The following SEMA4F variants were observed in gnomAD, a reference collection of about 807,000 sequenced individuals.
SEMA4F encodes the protein semaphorin-4F.
Under a neutral mutation model 78.4 loss-of-function variants are expected in SEMA4F, and 51 were observed. The ratio of observed to expected loss-of-function variants is 0.65; its 90% CI spans 0.52 to 0.82. The LOEUF is 0.82. Among genes scored for constraint, SEMA4F ranks in the 40% least tolerant of loss-of-function variants. The probability of loss-of-function intolerance (pLI) is 0.00; values close to 1 mark genes in which losing one functional copy is unlikely to be tolerated. For missense variants in SEMA4F, 938 were observed against 1,014.4 expected (o/e 0.92, Z 1.02); for synonymous variants, 418 against 408.7 (o/e 1.02, Z -0.27).
chr2:74,706,815 A>G, the SEMA4F span, among the ~76,000 whole-genome samples: 1 of 145,806 alleles, frequency 6.9e-6, no homozygotes, highest in Non-Finnish European at 1.5e-5. Flanking sequence ...ATTAGTTTTT[A>G]TACTCCATTG....
At chr2:74,689,824 A>G in the SEMA4F span, among the ~76,000 whole-genome samples, 225 of 152,352 alleles carry the variant, frequency 1.5e-3, no homozygotes, top group African/African-American at 5.1e-3. Flanking sequence ...CTCAGTGCCA[A>G]TGATGAAGAA....
intron 4 of SEMA4F, 131 bp from the exon 5 acceptor site, chr2:74,662,601 A>T: frequency 2.7e-6 from 2 of 750,822 alleles, no homozygotes; most frequent in Non-Finnish European, 4.8e-6. Flanking sequence ...TATGGGGATG[A>T]TAGTTGGGGG....
chr2:74,695,241 GGA>G, the SEMA4F span, among the ~76,000 whole-genome samples: 2 of 152,168 alleles, frequency 1.3e-5, no homozygotes, highest in Admixed American at 1.3e-4. Flanking sequence ...CGTGTAGCTG[GGA>G]GCAGACTCAA....
intron 1 of SEMA4F, among the ~76,000 whole-genome samples, chr2:74,655,860 G>T (rs1237589023): frequency 6.6e-6 from 1 of 152,132 alleles, no homozygotes; most frequent in Non-Finnish European, 1.5e-5. Context: ...GCAGTCTTGA[G>T]GGTACTGAGC....
chr2:74,660,751 A>C (rs749959323), intron 4 of SEMA4F, among the ~76,000 whole-genome samples: 8 of 152,350 alleles, frequency 5.3e-5, no homozygotes, highest in Non-Finnish European at 8.8e-5. Context: ...TGATATGATG[A>C]TGCTGCTGGG....
the SEMA4F span, among the ~76,000 whole-genome samples, chr2:74,702,770 A>G: frequency 6.6e-6 from 1 of 152,240 alleles, no homozygotes; most frequent in South Asian, 2.1e-4. Context: ...GATGCATAGT[A>G]AAAGCTCAGT....
Position 74,673,831 on chromosome 2 carries a change from G to T in SEMA4F, c.822+3G>T. 6.2e-7 allele frequency: 1 copy of T among 1,611,898 alleles called. No individual in the cohort carries two copies. Among genetic ancestry groups the T allele is most frequent in the Non-Finnish European group, 8.5e-7 (1 of 1,178,708 alleles). On this transcript the variant is annotated splice_donor_region_variant and intron_variant, in intron 7 of 13. Coordinates refer to ENST00000357877, the MANE Select transcript of SEMA4F (RefSeq NM_004263.5). ...CACGGGTGGCCCGTGTGTGTGCGGT[G>T]AGACCCCATCCCAGCTGTCTGTCTG...
In SEMA4F at chr2:74,656,688, G is replaced by A. The variant is rs750733456; in HGVS notation, c.297+3G>A. 1.2e-6 allele frequency: 2 copies of A among 1,613,968 alleles called. No individual in the cohort carries two copies. On this transcript the variant is annotated splice_donor_region_variant and intron_variant, in intron 2 of 13. Transcript: ENST00000357877. ...TCTCAGGGGAGAGACCCCGCAGGGT[G>A]AGAGACAAGAGAGGGAAGGACCCCT...
At position 74,654,517 on chromosome 2, in the gene SEMA4F, C is replaced by A. The variant is rs759086627; in HGVS notation, c.141C>A (p.Ile47=). The A allele has an allele frequency of 1.9e-6, 3 of 1,563,524 alleles. No homozygotes were observed. The highest frequency in any genetic ancestry group is 1.7e-4 in the Middle Eastern group (1 of 5,738). ...CGGTGCCCAGAACCTCGCTTCCAAT[C>A]TCTGGTAAGGCGCGGACGCCCACGC... ...PRSVPRTSLP[I]SEADSCLTRF... Residue 47 remains isoleucine (I), a synonymous_variant, in exon 1 of 14, where the codon ATC becomes ATA. Transcript: ENST00000357877.
At chr2:74,673,042 C>G (rs576618489) in intron 5 of SEMA4F, among the ~76,000 whole-genome samples, 1 of 152,226 alleles carries the variant, frequency 6.6e-6, no homozygotes, top group Non-Finnish European at 1.5e-5. Context: ...ACATTCATTC[C>G]CTGAGACATT....
intron 11 of SEMA4F, 45 bp from the exon 12 acceptor site, chr2:74,675,704 T>C (rs745841544): frequency 6.2e-6 from 10 of 1,613,490 alleles, no homozygotes; most frequent in Non-Finnish European, 8.5e-6. Context: ...GACCCTGAGG[T>C]CTGGGAGATC....
At chr2:74,706,652 G>GACA in the SEMA4F span, among the ~76,000 whole-genome samples, 1 of 152,218 alleles carries the variant, frequency 6.6e-6, no homozygotes, top group Non-Finnish European at 1.5e-5. Flanking sequence ...GACACAGGCA[G>GACA]TACTGGACAA....
chr2:74,697,555 C>T, the SEMA4F span, among the ~76,000 whole-genome samples: 1 of 152,020 alleles, frequency 6.6e-6, no homozygotes, highest in Non-Finnish European at 1.5e-5. Context: ...GAGATGAGCC[C>T]CAGTTGTAAG....
At chr2:74,654,579 A>C in intron 1 of SEMA4F, 58 bp downstream of exon 1, 3 of 1,406,680 alleles carry the variant, frequency 2.1e-6, no homozygotes, top group African/African-American at 1.5e-5. Flanking sequence ...ACCCACACCC[A>C]CCTGCTCCTC....
Position 74,680,000 on chromosome 2 carries a change from C to T in SEMA4F, c.2104C>T (p.Leu702=), listed in dbSNP as rs534587572. The T allele has an allele frequency of 6.2e-7, 1 of 1,614,210 alleles. No homozygotes were observed. The highest frequency in any genetic ancestry group is 2.2e-5 in the East Asian group (1 of 44,882). ...GGCTAGAGACAAGGTGGGCCTGGAC[C>T]TGGGGGCTCCACCTTCTGGGACCAC... ...LLARDKVGLD[L]GAPPSGTTSY... is the part of the protein sequence containing the mutation. The change falls in exon 14 of 14, where the codon CTG becomes TTG. Residue 702 remains leucine (L), a synonymous_variant. Coordinates refer to ENST00000357877, the MANE Select transcript of SEMA4F (RefSeq NM_004263.5).
the SEMA4F span, among the ~76,000 whole-genome samples, chr2:74,698,258 A>G: frequency 9.8e-5 from 15 of 152,374 alleles, no homozygotes; most frequent in African/African-American, 3.6e-4. Flanking sequence ...AAAAAGCTAG[A>G]TGCAAGTCAG....
At chr2:74,662,252 G>T (rs1325535055) in intron 4 of SEMA4F, among the ~76,000 whole-genome samples, 1 of 152,134 alleles carries the variant, frequency 6.6e-6, no homozygotes, top group Admixed American at 6.5e-5. Context: ...TGTCTCTCTA[G>T]GCCTCTGGGT....
Position 74,680,368 on chromosome 2 carries a change from A to G in SEMA4F, c.*159A>G, listed in dbSNP as rs1169158900. On this transcript the variant is annotated 3_prime_UTR_variant, in exon 14 of 14. Coordinates refer to ENST00000357877, the MANE Select transcript of SEMA4F (RefSeq NM_004263.5). ...TAGTATCTGTTCTCTCTGAGCCTGGATGGGCTTGGGGCCAGACCTTTGCCT... is the reference window on the plus strand; with the variant it reads ...TAGTATCTGTTCTCTCTGAGCCTGGGTGGGCTTGGGGCCAGACCTTTGCCT... The G allele has an allele frequency of 1.2e-6, 1 of 848,774 alleles. No individual in the cohort carries two copies. The highest frequency in any genetic ancestry group is 3.1e-5 in the Admixed American group (1 of 32,114). 52.6% of individuals were successfully genotyped at this position (848,774 alleles called of 1,614,324 possible).
rs780557236 is a variant in SEMA4F at position 74,679,602 on chromosome 2, G to T, written c.1706G>T (p.Arg569Leu). 1.9e-6 allele frequency: 3 copies of T among 1,599,232 alleles called. No individual in the cohort carries two copies. Among genetic ancestry groups the T allele is most frequent in the Non-Finnish European group, 1.7e-6 (2 of 1,171,882 alleles). Residue 569 changes from arginine to leucine, a missense_variant, in exon 14 of 14, where the codon CGT becomes CTT. By Grantham distance (102) the Arg-to-Leu change is moderately radical. Coordinates refer to ENST00000357877, the MANE Select transcript of SEMA4F (RefSeq NM_004263.5). ...GTGCCTTTGCTGTTTCTCACAGAAC[G>T]TCCAGTAGTGTTTGAAGTTCCCGTG... is the stretch of plus-strand genomic sequence containing the variant. Reference protein sequence around the residue: ...SSLCPKEPGERPVVFEVPVAT... With the variant: ...SSLCPKEPGELPVVFEVPVAT...
Sources: allele counts gnomAD v4.1 joint callset (sites outside exome capture counted in the v4.1 genomes callset), GRCh38; gene constraint gnomAD v4.1.1; transcripts MANE v1.5; gene names NCBI Gene and HGNC (gene_info 2026-07-23, HGNC 2026-07-21).